The following CPQ variants were observed in gnomAD, a reference collection of about 807,000 sequenced individuals.
CPQ encodes Ser-Met dipeptidase.
Under a neutral mutation model 45.7 loss-of-function variants are expected in CPQ, and 37 were observed. That is an observed-to-expected ratio of 0.81 (90% confidence interval 0.62 to 1.07). The LOEUF (loss-of-function observed/expected upper bound fraction) is 1.07, where lower values mean the gene tolerates loss of function less well. Among genes scored for constraint, CPQ ranks in the 50% least tolerant of loss-of-function variants. The probability of loss-of-function intolerance (pLI) is 0.00; values close to 1 mark genes in which losing one functional copy is unlikely to be tolerated. For missense variants in CPQ, 537 were observed against 572.9 expected, an observed-to-expected ratio of 0.94 and a Z score of 0.64; for synonymous variants, 186 against 205.8, an observed-to-expected ratio of 0.90 and a Z score of 0.82.
At chr8:97,003,242 A>G (rs1809315666) in intron 5 of CPQ, among the ~76,000 whole-genome samples, 1 of 152,026 alleles carries the variant, frequency 6.6e-6, no homozygotes, top group Non-Finnish European at 1.5e-5. Flanking sequence ...TATTTGGGGC[A>G]TTTAACCCAT....
chr8:97,137,662 C>T (rs893595937), intron 7 of CPQ, among the ~76,000 whole-genome samples: 7 of 152,282 alleles, frequency 4.6e-5, no homozygotes, highest in Non-Finnish European at 8.8e-5. Flanking sequence ...TTAAAATGGA[C>T]TTCTGGCCTG....
chr8:97,030,873 G>A (rs1280321981), intron 6 of CPQ, among the ~76,000 whole-genome samples: 1 of 152,148 alleles, frequency 6.6e-6, no homozygotes, highest in African/African-American at 2.4e-5. Flanking sequence ...AAAATGGAGA[G>A]GGAGGGAGGA....
intron 1 of CPQ, among the ~76,000 whole-genome samples, chr8:96,692,665 A>G (rs1809320048): frequency 6.6e-6 from 1 of 152,204 alleles, no homozygotes; most frequent in African/African-American, 2.4e-5. Flanking sequence ...GCAATGACCA[A>G]AAACTTAGAC....
intron 6 of CPQ, among the ~76,000 whole-genome samples, chr8:97,038,585 A>G (rs1254844496): frequency 6.6e-6 from 1 of 152,128 alleles, no homozygotes; most frequent in Non-Finnish European, 1.5e-5. Flanking sequence ...GGGCCTTACT[A>G]AGTTACAGAG....
chr8:97,083,778 T>C (rs1810997221), intron 7 of CPQ, among the ~76,000 whole-genome samples: 1 of 152,206 alleles, frequency 6.6e-6, no homozygotes, highest in South Asian at 2.1e-4. Flanking sequence ...AGTTCTAGTT[T>C]GTCTGCTATG....
In CPQ at chr8:96,835,199, T is replaced by C; in HGVS notation, c.641+19T>C. ...TCTACAGGTTTGTCACAATGTTCAT[T>C]TGAATTCCTTTCAAAAACAAGGGTT... is the stretch of plus-strand genomic sequence containing the variant. On this transcript the variant is annotated intron_variant, in intron 3 of 7. Coordinates refer to ENST00000220763, the MANE Select transcript of CPQ (RefSeq NM_016134.4). 1 of 1,411,438 alleles carries C rather than the reference T, an allele frequency of 7.1e-7. No homozygotes were observed. Among genetic ancestry groups the C allele is most frequent in the Non-Finnish European group, 9.3e-7 (1 of 1,073,674 alleles). The allele number at this position is 1,411,438 out of a possible 1,614,324, so 87.4% of individuals were successfully genotyped here.
chr8:96,732,083 A>G (rs933788245), intron 1 of CPQ, among the ~76,000 whole-genome samples: 5 of 152,202 alleles, frequency 3.3e-5, no homozygotes, highest in African/African-American at 1.2e-4. Context: ...GATGATCTGT[A>G]ATTGAATAAT....
At chr8:96,904,188 A>G (rs1428354202) in intron 4 of CPQ, among the ~76,000 whole-genome samples, 1 of 150,318 alleles carries the variant, frequency 6.7e-6, no homozygotes, top group African/African-American at 2.5e-5. Flanking sequence ...TTTCTTTAAC[A>G]TCTTTCCTTT....
intron 4 of CPQ, among the ~76,000 whole-genome samples, chr8:96,955,538 A>G (rs1468530619): frequency 1.3e-5 from 2 of 152,108 alleles, no homozygotes; most frequent in Non-Finnish European, 1.5e-5. Context: ...AAGTTCATAT[A>G]GAACCAAAAA....
At chr8:97,014,610 C>T (rs893215570) in intron 5 of CPQ, among the ~76,000 whole-genome samples, 4 of 148,446 alleles carry the variant, frequency 2.7e-5, no homozygotes, top group Non-Finnish European at 5.9e-5. Context: ...CCACTGTACA[C>T]CAACCTGGGT....
At position 96,726,435 on chromosome 8, in the gene CPQ, C is replaced by G. The variant is rs141849855; in HGVS notation, c.-34-58429C>G. Among the ~76,000 whole-genome samples, 626 of 152,114 alleles carry G rather than the reference C, an allele frequency of 4.1e-3. 1 individual carries two copies. Among genetic ancestry groups the G allele is most frequent in the South Asian group, 5.6e-3 (27 of 4,810 alleles). On this transcript the variant is annotated intron_variant, in intron 1 of 7. Transcript: ENST00000220763. Reference sequence around the variant, plus strand: ...TAATTTGCTCATGGTTCTGAAGGCTCTACAGGAGGCATGATGCTAATATCT... The same window carrying G: ...TAATTTGCTCATGGTTCTGAAGGCTGTACAGGAGGCATGATGCTAATATCT...
At chr8:96,704,334 C>T (rs1268403744) in intron 1 of CPQ, among the ~76,000 whole-genome samples, 1 of 152,142 alleles carries the variant, frequency 6.6e-6, no homozygotes, top group Non-Finnish European at 1.5e-5. Context: ...TGCTGAATGT[C>T]CATCACTGAG....
intron 4 of CPQ, among the ~76,000 whole-genome samples, chr8:96,935,549 G>A (rs555278486): frequency 6.6e-6 from 1 of 152,232 alleles, no homozygotes; most frequent in South Asian, 2.1e-4. Context: ...GCTAGTATGT[G>A]TTCACTCACC....
At chr8:96,663,348 A>G (rs1808872272) in intron 1 of CPQ, among the ~76,000 whole-genome samples, 1 of 152,236 alleles carries the variant, frequency 6.6e-6, no homozygotes, top group African/African-American at 2.4e-5. Flanking sequence ...CAAATGTCCA[A>G]TTAAACACTT....
intron 1 of CPQ, among the ~76,000 whole-genome samples, chr8:96,751,868 C>A (rs1252872331): frequency 6.6e-6 from 1 of 152,004 alleles, no homozygotes; most frequent in Non-Finnish European, 1.5e-5. Context: ...CTAGCCAGTT[C>A]TCCCAGCACC....
chr8:96,759,017 G>A (rs1810363989), intron 1 of CPQ, among the ~76,000 whole-genome samples: 1 of 152,198 alleles, frequency 6.6e-6, no homozygotes, highest in African/African-American at 2.4e-5. Flanking sequence ...CCTGGAAAAG[G>A]ACAAAGTTCG....
chr8:97,102,383 G>C (rs527721199), intron 7 of CPQ, among the ~76,000 whole-genome samples: 7 of 152,178 alleles, frequency 4.6e-5, no homozygotes, highest in African/African-American at 1.4e-4. Context: ...AGGAATAGGG[G>C]AGAGGTTCTG....
intron 4 of CPQ, among the ~76,000 whole-genome samples, chr8:96,904,318 G>T (rs923591858): frequency 6.6e-6 from 1 of 152,216 alleles, no homozygotes; most frequent in Non-Finnish European, 1.5e-5. Context: ...GTGATCCACA[G>T]ATAGAGAATA....
rs377025762 is a variant in CPQ, at chr8:96,828,850, C to G, written c.434-6123C>G. ...GTATAAATGTTCCCTGTGATAATTACTATAAGAAATCAAGATACTCCAGTC... is the reference window on the plus strand; with the variant it reads ...GTATAAATGTTCCCTGTGATAATTAGTATAAGAAATCAAGATACTCCAGTC... On this transcript the variant is annotated intron_variant, in intron 2 of 7. Transcript: ENST00000220763. Among the ~76,000 whole-genome samples the G allele has an allele frequency of 2.6e-4, 40 of 152,158 alleles. No individual in the cohort carries two copies. The South Asian group carries it at 8.1e-3, about 31-fold the overall frequency.
Sources: gnomAD v4.1 joint callset for allele counts (sites outside exome capture counted in the v4.1 genomes callset) on GRCh38, gnomAD v4.1.1 for gene constraint, MANE v1.5 for transcripts, NCBI Gene and HGNC (gene_info 2026-07-23, HGNC 2026-07-21) for gene names.